Variants in RUNX1 observed in about 807,000 individuals in gnomAD.
RUNX1 encodes the protein runt-related transcription factor 1.
In RUNX1, 19 loss-of-function variants were observed where a neutral mutation model predicts 42.8. The observed-to-expected ratio is 0.44, with a 90% CI of 0.31 to 0.65. RUNX1 has a LOEUF of 0.65. Among genes scored for constraint, RUNX1 ranks in the 30% least tolerant of loss-of-function variants. RUNX1 has a pLI of 0.07. For missense variants in RUNX1, 528 were observed against 672.0 expected (o/e 0.79, Z 2.37); for synonymous variants, 271 against 289.4 (o/e 0.94, Z 0.64).
chr21:34,861,325 G>A (rs1050829424), intron 5 of RUNX1, among the ~76,000 whole-genome samples: 2 of 152,178 alleles, frequency 1.3e-5, no homozygotes, highest in African/African-American at 4.8e-5. Context: ...TGCTGCCGCA[G>A]AGGGAGGCAG....
chr21:34,860,588 C>T (rs768639943), intron 5 of RUNX1, among the ~76,000 whole-genome samples: 13 of 152,032 alleles, frequency 8.6e-5, no homozygotes, highest in Non-Finnish European at 1.5e-4. Context: ...CTGTTTCTCA[C>T]GGGTCTATAA....
intron 2 of RUNX1, among the ~76,000 whole-genome samples, chr21:34,980,917 G>T (rs911699093): frequency 1.3e-5 from 2 of 152,174 alleles, no homozygotes; most frequent in Non-Finnish European, 2.9e-5. Context: ...AATAGCTTGA[G>T]GTTACCAAGT....
At chr21:34,826,141 A>G (rs1453157434) in intron 7 of RUNX1, among the ~76,000 whole-genome samples, 3 of 152,222 alleles carry the variant, frequency 2.0e-5, no homozygotes, top group Non-Finnish European at 2.9e-5. Context: ...TCAAAAGTTC[A>G]CATGTTGGAA....
intron 7 of RUNX1, chr21:34,834,200 T>G (rs1373145092): frequency 4.3e-6 from 3 of 699,744 alleles, no homozygotes; most frequent in Middle Eastern, 2.3e-4. Context: ...CTGGTTACAA[T>G]GCAGATCTGA....
chr21:34,904,358 T>C (rs1486997710), intron 2 of RUNX1, among the ~76,000 whole-genome samples: 1 of 152,200 alleles, frequency 6.6e-6, no homozygotes, highest in Non-Finnish European at 1.5e-5. Flanking sequence ...TGATAGCTAA[T>C]TTTTAATTTA....
At chr21:34,953,899 G>C (rs1241861179) in intron 2 of RUNX1, among the ~76,000 whole-genome samples, 1 of 152,210 alleles carries the variant, frequency 6.6e-6, no homozygotes, top group Non-Finnish European at 1.5e-5. Context: ...AGGAAGATAA[G>C]AAGTGGAACA....
Position 34,922,177 on chromosome 21 carries a change from T to G in RUNX1, c.59-29214A>C, listed in dbSNP as rs999553078. Among the ~76,000 whole-genome samples the G allele has an allele frequency of 2.6e-5, 4 of 152,098 alleles. No homozygotes were observed. The East Asian group carries it at 5.8e-4, about 22-fold the overall frequency. ...GGAGACAGGACTGTAAGTGGGGGGC[T>G]CGAGGCTGGTGCTCTGTGTGCCACA... On this transcript the variant is annotated intron_variant, in intron 2 of 8. Transcript: ENST00000675419.
intron 2 of RUNX1, among the ~76,000 whole-genome samples, chr21:35,030,693 C>A (rs2059266821): frequency 6.6e-6 from 1 of 152,058 alleles, no homozygotes; most frequent in Non-Finnish European, 1.5e-5. Context: ...GATCTCAAAG[C>A]ATACGCAACA....
intron 6 of RUNX1, among the ~76,000 whole-genome samples, chr21:34,836,693 C>A (rs988377148): frequency 6.6e-6 from 1 of 152,208 alleles, no homozygotes; most frequent in Non-Finnish European, 1.5e-5. Context: ...CAAAGGCTGC[C>A]GGCAGGTTTT....
intron 2 of RUNX1, among the ~76,000 whole-genome samples, chr21:35,030,333 A>G (rs1383806381): frequency 6.6e-6 from 1 of 151,708 alleles, no homozygotes; most frequent in East Asian, 1.9e-4. Context: ...ACAGAGTGAG[A>G]CTCTGTCTCA....
chr21:34,865,165 T>A (rs1569066495), intron 5 of RUNX1, among the ~76,000 whole-genome samples: 1 of 151,976 alleles, frequency 6.6e-6, no homozygotes, highest in Admixed American at 6.6e-5. Context: ...AGTGGAATGA[T>A]CATTAAAGAC....
rs530110136 is a variant in RUNX1 at position 34,795,339 on chromosome 21, T to G, written c.968-2729A>C. 5.9e-5 allele frequency among the ~76,000 whole-genome samples: 9 copies of G among 152,258 alleles called. No individual in the cohort carries two copies. In the South Asian group the frequency reaches 6.2e-4, roughly 11 times the overall value. The stretch of plus-strand genomic sequence containing the variant: ...GGAGAGCTAGTGTGTTTTCTCTCTC[T>G]CTCGCTCGCTCTCTCGTCTCTTCCA... On this transcript the variant is annotated intron_variant, in intron 8 of 8. Transcript: ENST00000675419.
At chr21:34,809,169 A>C (rs1019817436) in intron 7 of RUNX1, among the ~76,000 whole-genome samples, 7 of 152,126 alleles carry the variant, frequency 4.6e-5, no homozygotes, top group Non-Finnish European at 7.3e-5. Context: ...ACATTCCTGC[A>C]ACACCAGCAC....
At chr21:34,799,579 T>C (rs2056580483) in intron 7 of RUNX1, 117 bp from the exon 8 acceptor site, 7 of 860,404 alleles carry the variant, frequency 8.1e-6, no homozygotes, top group African/African-American at 3.4e-5. Context: ...ATGTGGCCTA[T>C]GTACCAGGGT....
rs1411344046 is a variant in RUNX1, at chr21:34,788,262, T to G, written c.*3873A>C. 4.3e-6 allele frequency: 1 copy of G among 233,630 alleles called. No homozygotes were observed. The highest frequency in any genetic ancestry group is 8.5e-6 in the Non-Finnish European group (1 of 118,060). 14.5% of individuals were successfully genotyped at this position (233,630 alleles called of 1,614,324 possible). ...TAGGACCACATTTCCCGTTGCTTTT[T>G]CAGTAGATGTGTTATACCGTCATTT... On this transcript the variant is annotated 3_prime_UTR_variant, in exon 9 of 9. Coordinates refer to ENST00000675419, the MANE Select transcript of RUNX1 (RefSeq NM_001754.5).
intron 5 of RUNX1, among the ~76,000 whole-genome samples, chr21:34,866,292 G>C (rs2057660585): frequency 6.6e-6 from 1 of 152,162 alleles, no homozygotes. Context: ...CGCCCAAAGA[G>C]TGAGAAAGGA....
At chr21:34,890,597 T>G (rs914127392) in intron 3 of RUNX1, among the ~76,000 whole-genome samples, 1 of 152,130 alleles carries the variant, frequency 6.6e-6, no homozygotes, top group East Asian at 1.9e-4. Context: ...CCTCTCCGCC[T>G]CCGCTCCCCC....
intron 7 of RUNX1, among the ~76,000 whole-genome samples, chr21:34,803,200 G>C (rs1475533919): frequency 6.6e-6 from 1 of 152,076 alleles, no homozygotes; most frequent in Non-Finnish European, 1.5e-5. Flanking sequence ...TTGGGATTAG[G>C]ATGGAGAAGG....
At chr21:34,965,791 G>A (rs999281067) in intron 2 of RUNX1, among the ~76,000 whole-genome samples, 3 of 152,168 alleles carry the variant, frequency 2.0e-5, no homozygotes, top group South Asian at 2.1e-4. Context: ...GGGCATTTCC[G>A]AATCAAGTAT....
Sources: allele counts gnomAD v4.1 joint callset (sites outside exome capture counted in the v4.1 genomes callset), GRCh38; gene constraint gnomAD v4.1.1; transcripts MANE v1.5; gene names NCBI Gene and HGNC (gene_info 2026-07-23, HGNC 2026-07-21).